The following MGAT5 variants were observed in gnomAD, a reference collection of about 807,000 sequenced individuals.
MGAT5 encodes alpha-1,6-mannosylglycoprotein 6-beta-N-acetylglucosaminyltransferase.
Under a neutral mutation model 94.3 loss-of-function variants are expected in MGAT5, and 30 were observed. The observed-to-expected ratio is 0.32, with a 90% confidence interval of 0.24 to 0.43. The LOEUF is 0.43. Among genes scored for constraint, MGAT5 ranks in the 20% least tolerant of loss-of-function variants. MGAT5 has a pLI of 1.00. For synonymous variants in MGAT5, 310 were observed against 322.9 expected, an observed-to-expected ratio of 0.96 and a Z score of 0.43; for missense variants, 691 against 905.5, an observed-to-expected ratio of 0.76 and a Z score of 3.04.
At chr2:134,177,077 A>AGAT (rs1688500292) in intron 1 of MGAT5, among the ~76,000 whole-genome samples, 1 of 104,604 alleles carries the variant, frequency 9.6e-6, no homozygotes, top group Admixed American at 1.1e-4. Flanking sequence ...CACCATGACC[A>AGAT]GATATCTGAC....
At chr2:134,391,342 A>G (rs113134328) in intron 10 of MGAT5, among the ~76,000 whole-genome samples, 4,797 of 152,254 alleles carry the variant, frequency 0.032, 256 homozygotes, top group African/African-American at 0.1. Context: ...TCTTGAACAA[A>G]GACTGGAAAC....
intron 1 of MGAT5, among the ~76,000 whole-genome samples, chr2:134,229,915 A>G (rs1354203933): frequency 6.6e-6 from 1 of 152,358 alleles, no homozygotes; most frequent in East Asian, 1.9e-4. Context: ...ACATGAAAAG[A>G]TAAGATGCTC....
chr2:134,134,875 A>T (rs755484304), intron 1 of MGAT5, among the ~76,000 whole-genome samples: 1 of 152,262 alleles, frequency 6.6e-6, no homozygotes, highest in Non-Finnish European at 1.5e-5. Context: ...CTTAGGTATA[A>T]GCAAATAATC....
intron 1 of MGAT5, among the ~76,000 whole-genome samples, chr2:134,208,177 A>T (rs962376469): frequency 2.0e-5 from 3 of 151,878 alleles, no homozygotes; most frequent in Non-Finnish European, 2.9e-5. Context: ...TATTTTCCAA[A>T]CTTTGGACTT....
intron 10 of MGAT5, among the ~76,000 whole-genome samples, chr2:134,375,001 G>A (rs1052518835): frequency 6.6e-6 from 1 of 152,190 alleles, no homozygotes; most frequent in Non-Finnish European, 1.5e-5. Context: ...AGGGACAGCA[G>A]AGCTCCAGGG....
intron 1 of MGAT5, among the ~76,000 whole-genome samples, chr2:134,123,224 G>A (rs1439193916): frequency 6.6e-6 from 1 of 152,100 alleles, no homozygotes; most frequent in Non-Finnish European, 1.5e-5. Context: ...CCTAGCTGAC[G>A]GGGAGGCCTT....
upstream of MGAT5, among the ~76,000 whole-genome samples, chr2:134,250,507 C>G (rs1682530496): frequency 6.6e-6 from 1 of 152,196 alleles, no homozygotes; most frequent in African/African-American, 2.4e-5. Context: ...GATGGCTGTT[C>G]ATTTTCCTCC....
intron 1 of MGAT5, among the ~76,000 whole-genome samples, chr2:134,257,185 A>T (rs1170144925): frequency 6.6e-6 from 1 of 152,192 alleles, no homozygotes; most frequent in African/African-American, 2.4e-5. Context: ...ACGCTATCTG[A>T]CATCATCTTT....
chr2:134,152,879 C>G lies in MGAT5; in HGVS notation c.-143+32588C>G, dbSNP rs1017019920. ...AAAAGGGGAGATCTCTAAGCATACC[C>G]TTTCCAGGCATGGAGTCCACTTTTT... is the stretch of plus-strand genomic sequence containing the variant. On this transcript the variant is annotated intron_variant, in intron 1 of 16. Transcript: ENST00000409645. 4.6e-4 allele frequency among the ~76,000 whole-genome samples: 69 copies of G among 149,498 alleles called. 1 individual carries two copies. Among genetic ancestry groups the G allele is most frequent in the African/African-American group, 1.6e-3 (66 of 40,520 alleles).
intron 2 of MGAT5, among the ~76,000 whole-genome samples, chr2:134,284,556 T>C (rs905688541): frequency 6.6e-6 from 1 of 151,442 alleles, no homozygotes; most frequent in Non-Finnish European, 1.5e-5. Context: ...GCTAAACATA[T>C]TAGATTTGTA....
chr2:134,403,196 T>A, intron 11 of MGAT5, 59 bp downstream of exon 11: 1 of 1,487,746 alleles, frequency 6.7e-7, no homozygotes, highest in Non-Finnish European at 9.0e-7. Context: ...GAAAATGGGA[T>A]CAGAATATTT....
intron 1 of MGAT5, among the ~76,000 whole-genome samples, chr2:134,264,099 C>T (rs902905861): frequency 5.4e-5 from 8 of 148,840 alleles, no homozygotes; most frequent in South Asian, 2.1e-4. Context: ...CTCGGCTCGC[C>T]GCAATCTCCG....
At chr2:134,148,766 T>TTC in intron 1 of MGAT5, among the ~76,000 whole-genome samples, 1 of 148,282 alleles carries the variant, frequency 6.7e-6, no homozygotes, top group South Asian at 2.2e-4. Flanking sequence ...TAGGTTTTTT[T>TTC]TTTTTTTTTT....
At chr2:134,168,185 C>T (rs1344666883) in intron 1 of MGAT5, among the ~76,000 whole-genome samples, 1 of 152,138 alleles carries the variant, frequency 6.6e-6, no homozygotes, top group Admixed American at 6.5e-5. Context: ...ACCCTGGTGC[C>T]ACACACAGAC....
chr2:134,430,255 C>T lies in MGAT5; in HGVS notation c.1869+1816C>T, dbSNP rs546766783. ...TTAGGGAAAATAGTTACCCAACTGC[C>T]AGGCATAAATGACTCTTGATCAGGT... On this transcript the variant is annotated intron_variant, in intron 14 of 15. Coordinates refer to ENST00000281923, the MANE Select transcript of MGAT5 (RefSeq NM_002410.5). 3.3e-5 allele frequency among the ~76,000 whole-genome samples: 5 copies of T among 152,340 alleles called. No homozygotes were observed. The East Asian group carries it at 7.7e-4, about 24-fold the overall frequency.
At chr2:134,266,027 G>T (rs954613362) in intron 1 of MGAT5, among the ~76,000 whole-genome samples, 3 of 151,936 alleles carry the variant, frequency 2.0e-5, no homozygotes, top group Admixed American at 1.3e-4. Context: ...AATTAGCTGG[G>T]TGTGGTGGCA....
In MGAT5 at chr2:134,128,932, C is replaced by T. The variant is rs374758996; in HGVS notation, c.-143+8641C>T. On this transcript the variant is annotated intron_variant, in intron 1 of 16. Coordinates refer to the MGAT5 transcript ENST00000409645. ...GTCTGGTTAATACTCTTTAAGTTTCCGAGTTTCTTCCTCCTAGTTCAGTGG... is the reference window on the plus strand; with the variant it reads ...GTCTGGTTAATACTCTTTAAGTTTCTGAGTTTCTTCCTCCTAGTTCAGTGG... Among the ~76,000 whole-genome samples, 33 of 152,196 alleles carry T rather than the reference C, an allele frequency of 2.2e-4. 1 individual carries two copies. Among genetic ancestry groups the T allele is most frequent in the Admixed American group, 5.2e-4 (8 of 15,292 alleles).
At position 134,254,574 on chromosome 2, in the gene MGAT5, C is replaced by T. The variant is rs751689227; in HGVS notation, c.171C>T (p.Tyr57=). 15 of 1,614,186 alleles carry T rather than the reference C, an allele frequency of 9.3e-6. No individual in the cohort carries two copies. The South Asian group carries it at 1.2e-4, about 13-fold the overall frequency. Residue 57 remains tyrosine, a synonymous_variant, in exon 1 of 16, where the codon TAC becomes TAT. Coordinates refer to ENST00000281923, the MANE Select transcript of MGAT5 (RefSeq NM_002410.5). The stretch of plus-strand genomic sequence containing the variant: ...AGATCCTGGACCTCAGCAAAAGGTA[C>T]ATCAAGGCACTGGCAGAAGAAAACA... ...REQILDLSKR[Y]IKALAEENRN... is the part of the protein sequence containing the mutation.
At chr2:134,207,463 G>C (rs1680068550) in intron 1 of MGAT5, among the ~76,000 whole-genome samples, 1 of 152,002 alleles carries the variant, frequency 6.6e-6, no homozygotes, top group African/African-American at 2.4e-5. Flanking sequence ...CGGTTACCAT[G>C]CATGGGTATC....
Sources: allele counts gnomAD v4.1 joint callset (sites outside exome capture counted in the v4.1 genomes callset), GRCh38; gene constraint gnomAD v4.1.1; transcripts MANE v1.5; gene names NCBI Gene and HGNC (gene_info 2026-07-23, HGNC 2026-07-21).